The following ACTN1 variants were observed in gnomAD, a reference collection of about 807,000 sequenced individuals.
The protein encoded by ACTN1 is alpha-actinin-1.
In ACTN1, 30 loss-of-function variants were observed where a neutral mutation model predicts 119.6. The observed-to-expected ratio is 0.25, with a 90% CI of 0.19 to 0.34. The LOEUF is 0.34. Ranked by LOEUF, ACTN1 falls within the 10% of genes least tolerant of loss-of-function variation. ACTN1 has a pLI of 1.00. For synonymous variants in ACTN1, 429 were observed against 472.6 expected, an observed-to-expected ratio of 0.91 and a Z score of 1.20; for missense variants, 764 against 1,223.4, an observed-to-expected ratio of 0.62 and a Z score of 5.60.
intron 1 of ACTN1, among the ~76,000 whole-genome samples, chr14:68,972,612 C>T (rs769116491): frequency 6.6e-6 from 1 of 152,180 alleles, no homozygotes; most frequent in Non-Finnish European, 1.5e-5. Flanking sequence ...AGAACATTTC[C>T]ATCACCGGGG....
intron 1 of ACTN1, among the ~76,000 whole-genome samples, chr14:68,942,955 G>A (rs539495926): frequency 2.6e-5 from 4 of 152,256 alleles, no homozygotes; most frequent in East Asian, 1.9e-4. Flanking sequence ...GGGCCATGAC[G>A]GAGGAGCCTA....
Position 68,890,121 on chromosome 14 carries a change from A to G in ACTN1, c.1234+18T>C, listed in dbSNP as rs760268743. The G allele has an allele frequency of 1.9e-6, 3 of 1,599,456 alleles. No individual in the cohort carries two copies. The highest frequency in any genetic ancestry group is 1.8e-5 in the Admixed American group (1 of 57,024). ...AAGTGAAGCCCTGGGGGGAGGCAGG[A>G]GGCTGGGCTGGCCTCACCGTCAGTC... On this transcript the variant is annotated intron_variant, in intron 11 of 21. Transcript: ENST00000394419.
At chr14:68,919,884 C>T (rs545215699) in intron 3 of ACTN1, among the ~76,000 whole-genome samples, 6 of 152,330 alleles carry the variant, frequency 3.9e-5, no homozygotes, top group South Asian at 4.1e-4. Flanking sequence ...CCAAATCAGC[C>T]GGACTCGACC....
At chr14:68,942,327 G>C (rs1370971014) in intron 1 of ACTN1, among the ~76,000 whole-genome samples, 1 of 152,040 alleles carries the variant, frequency 6.6e-6, no homozygotes, top group Non-Finnish European at 1.5e-5. Flanking sequence ...GCTGCAGTGA[G>C]CCATAATCAT....
In ACTN1 at chr14:68,874,711, C is replaced by T. The variant is rs1014352230; in HGVS notation, c.*148G>A. On this transcript the variant is annotated 3_prime_UTR_variant, in exon 22 of 22. Coordinates refer to ENST00000394419, the MANE Select transcript of ACTN1 (RefSeq NM_001130004.2). ...AAAATAATTTTGTAAACTGTCACTT[C>T]GCGGGCAGGGAGGATCGATGCCACG... 8.4e-6 allele frequency: 6 copies of T among 715,604 alleles called. No individual in the cohort carries two copies. Among genetic ancestry groups the T allele is most frequent in the African/African-American group, 7.3e-5 (4 of 54,946 alleles). The allele number at this position is 715,604 out of a possible 1,614,324, so 44.3% of individuals were successfully genotyped here. A position where few individuals can be genotyped will look rare whatever the true frequency, so the allele number is the denominator to read the frequency against.
chr14:68,893,951 C>G (rs987050404), intron 8 of ACTN1, among the ~76,000 whole-genome samples: 2 of 152,150 alleles, frequency 1.3e-5, no homozygotes, highest in African/African-American at 4.8e-5. Flanking sequence ...TCAAGTGAGC[C>G]TGGACAGAGG....
intron 1 of ACTN1, among the ~76,000 whole-genome samples, chr14:68,938,050 G>T (rs1197561378): frequency 1.3e-5 from 2 of 152,236 alleles, no homozygotes; most frequent in East Asian, 3.9e-4. Flanking sequence ...TCTAAGCAAA[G>T]ACCTGCCCAG....
chr14:68,964,991 A>T (rs2036660034), intron 1 of ACTN1, among the ~76,000 whole-genome samples: 1 of 152,324 alleles, frequency 6.6e-6, no homozygotes. Context: ...GACCACCCAC[A>T]CACTAGCCAG....
At chr14:68,884,913 G>T (rs376456586) in intron 12 of ACTN1, 30 bp from the exon 13 acceptor site, 2 of 1,566,518 alleles carry the variant, frequency 1.3e-6, no homozygotes, top group African/African-American at 2.7e-5. Context: ...GGAAGTCAGG[G>T]GACCCAGGTT....
At position 68,882,415 on chromosome 14, in the gene ACTN1, G is replaced by A; in HGVS notation, c.1953+43C>T. ...GGCTGGCTAGGATAGTGTCGGGGGG[G>A]AGGGGTGGGAGCCCCAGCACTGCTT... On this transcript the variant is annotated intron_variant, in intron 16 of 21. Coordinates refer to ENST00000394419, the MANE Select transcript of ACTN1 (RefSeq NM_001130004.2). This position sits in a 1 kb window ranked among gnomAD's most constrained non-coding sequence, Gnocchi z 4.5. 1 of 1,604,214 alleles carries A rather than the reference G, an allele frequency of 6.2e-7. No individual in the cohort carries two copies. Among genetic ancestry groups the A allele is most frequent in the South Asian group, 1.1e-5 (1 of 90,164 alleles).
intron 8 of ACTN1, 149 bp from the exon 9 acceptor site, chr14:68,893,896 T>A: frequency 1.4e-6 from 1 of 692,268 alleles, no homozygotes; most frequent in Non-Finnish European, 2.4e-6. Context: ...ATTCCTCCTC[T>A]CTCCTTACCA....
intron 11 of ACTN1, chr14:68,886,914 T>C (rs2032063968): frequency 6.5e-6 from 1 of 153,264 alleles, no homozygotes; most frequent in Non-Finnish European, 1.5e-5. Context: ...TGCCCTACTG[T>C]GAGTTGCTGG....
intron 1 of ACTN1, among the ~76,000 whole-genome samples, chr14:68,972,981 T>C (rs1000098351): frequency 1.3e-5 from 2 of 152,246 alleles, no homozygotes; most frequent in Non-Finnish European, 2.9e-5. Flanking sequence ...GAATGGTGCA[T>C]GCGGAAGGGG....
chr14:68,936,857 C>G (rs2035546165), intron 1 of ACTN1: 1 of 587,576 alleles, frequency 1.7e-6, no homozygotes, highest in African/African-American at 1.9e-5. Context: ...GGTAGGACAA[C>G]TTCTTGTGAT....
rs1386064151 is a variant in ACTN1 at position 68,878,975 on chromosome 14, C to T, written c.2361+14G>A. On this transcript the variant is annotated intron_variant, in intron 19 of 21. Coordinates refer to ENST00000394419, the MANE Select transcript of ACTN1 (RefSeq NM_001130004.2). This position sits in a 1 kb window ranked among gnomAD's most constrained non-coding sequence, Gnocchi z 4.4. ...ACGCCACCCCTGAGCGTGCTCCATGCAGGAGGCGAGTACCTGGGGGTCGTT... is the reference window on the plus strand; with the variant it reads ...ACGCCACCCCTGAGCGTGCTCCATGTAGGAGGCGAGTACCTGGGGGTCGTT... 1.9e-6 allele frequency: 3 copies of T among 1,613,202 alleles called. No homozygotes were observed. The highest frequency in any genetic ancestry group is 2.5e-6 in the Non-Finnish European group (3 of 1,179,800).
chr14:68,876,837 AG>A (rs2030952992), intron 21 of ACTN1, among the ~76,000 whole-genome samples: 1 of 152,174 alleles, frequency 6.6e-6, no homozygotes, highest in Non-Finnish European at 1.5e-5. Flanking sequence ...ATTTCATCCC[AG>A]CTATGGAGTC....
intron 21 of ACTN1, among the ~76,000 whole-genome samples, chr14:68,875,429 T>C (rs971381690): frequency 6.6e-6 from 1 of 152,156 alleles, no homozygotes; most frequent in East Asian, 1.9e-4. Flanking sequence ...GGACAGACAG[T>C]CTAATTTTAA....
At chr14:68,884,095 CAA>C in intron 14 of ACTN1, 71 bp downstream of exon 14, 3 of 1,481,188 alleles carry the variant, frequency 2.0e-6, no homozygotes, top group South Asian at 2.7e-5. Context: ...GGCAGTCCTG[CAA>C]AAGTGACCCA....
intron 3 of ACTN1, among the ~76,000 whole-genome samples, chr14:68,919,903 T>A (rs542564992): frequency 5.9e-4 from 90 of 152,352 alleles, no homozygotes; most frequent in African/African-American, 2.0e-3. Flanking sequence ...CCCCATGCAC[T>A]GCAGTTTGCT....
Sources: allele counts gnomAD v4.1 joint callset (sites outside exome capture counted in the v4.1 genomes callset), GRCh38; gene constraint gnomAD v4.1.1; non-coding constraint Gnocchi (gnomAD v3.1); transcripts MANE v1.5; gene names NCBI Gene and HGNC (gene_info 2026-07-23, HGNC 2026-07-21).